EPHA7: variants seen among roughly 807,000 people sequenced by gnomAD.
EPHA7 encodes ephrin type-A receptor 7.
In EPHA7, 25 loss-of-function variants were observed where a neutral mutation model predicts 112.6. The ratio of observed to expected loss-of-function variants is 0.22; its 90% confidence interval spans 0.16 to 0.31. The LOEUF (loss-of-function observed/expected upper bound fraction) is 0.31. EPHA7 is among the 10% of genes least tolerant of loss of function. EPHA7 has a pLI of 1.00. For synonymous variants in EPHA7, 437 were observed against 406.5 expected (o/e 1.07, Z -0.90); for missense variants, 962 against 1,212.6 (o/e 0.79, Z 3.07).
chr6:93,368,732 T>C (rs1346134936), intron 3 of EPHA7, among the ~76,000 whole-genome samples: 1 of 152,172 alleles, frequency 6.6e-6, no homozygotes, highest in Non-Finnish European at 1.5e-5. Flanking sequence ...GTCCAAGACA[T>C]GGGCTTTTCA....
intron 5 of EPHA7, among the ~76,000 whole-genome samples, chr6:93,332,620 A>G (rs972389423): frequency 1.3e-5 from 2 of 151,726 alleles, no homozygotes; most frequent in African/African-American, 4.8e-5. Flanking sequence ...TATTGTGCAC[A>G]TTGGATTAAT....
chr6:93,254,655 T>C lies in EPHA7; in HGVS notation c.2524A>G (p.Asn842Asp). The change falls in exon 14 of 17, where the codon AAT (asparagine) becomes GAT (aspartate). Residue 842 changes from asparagine (N) to aspartate (D), a missense_variant. Physicochemically the swap from Asn to Asp is conservative, Grantham distance 23. This residue lies in a region of EPHA7 where 746 missense variants were observed against 889.2 expected (regional missense o/e 0.84). Transcript: ENST00000369303. ...ATGAATGTAACACCTACATCTTGAT[T>C]TGACATGTCCCAATAAGGTCTTTCT... ...YGERPYWDMS[N>D]QDVIKAIEEG... 1 of 1,611,614 alleles carries C rather than the reference T, an allele frequency of 6.2e-7. No homozygotes were observed. Among genetic ancestry groups the C allele is most frequent in the East Asian group, 2.2e-5 (1 of 44,834 alleles).
At chr6:93,313,282 G>T (rs1001373324) in intron 5 of EPHA7, among the ~76,000 whole-genome samples, 1 of 152,010 alleles carries the variant, frequency 6.6e-6, no homozygotes, top group African/African-American at 2.4e-5. Flanking sequence ...TAAAAACACT[G>T]GTGGTAATGT....
intron 3 of EPHA7, among the ~76,000 whole-genome samples, chr6:93,364,659 T>A (rs979653792): frequency 9.9e-5 from 15 of 152,156 alleles, no homozygotes; most frequent in Non-Finnish European, 2.1e-4. Context: ...CTAACATATA[T>A]ACTCTATATG....
Position 93,350,789 on chromosome 6 carries a change from C to T in EPHA7, c.1324+5928G>A, listed in dbSNP as rs1332793013. ...GACTATATGTAATATGTGAAATGTA[C>T]TGCGGAAGATACACAAAAGTTTAAG... is the stretch of plus-strand genomic sequence containing the variant. On this transcript the variant is annotated intron_variant, in intron 5 of 16. Transcript: ENST00000369303. 9.2e-5 allele frequency among the ~76,000 whole-genome samples: 14 copies of T among 151,922 alleles called. No homozygotes were observed. The South Asian group carries it at 1.9e-3, about 20-fold the overall frequency.
chr6:93,350,174 C>A (rs1372597124), intron 5 of EPHA7, among the ~76,000 whole-genome samples: 4 of 151,938 alleles, frequency 2.6e-5, no homozygotes, highest in Non-Finnish European at 5.9e-5. Context: ...AATGAGAAGG[C>A]AAATGCTATA....
Position 93,246,866 on chromosome 6 carries a change from T to A in EPHA7, c.2652A>T (p.Glu884Asp), listed in dbSNP as rs781260960. 1.2e-6 allele frequency: 2 copies of A among 1,614,010 alleles called. No homozygotes were observed. The highest frequency in any genetic ancestry group is 2.2e-5 in the South Asian group (2 of 91,082). ...TTTTGTCTAGAATTCCAACTATCTG[T>A]TCAAATTTTGGCCTTTCAGCACGCT... ...QKERAERPKF[E>D]QIVGILDKMI... Residue 884 changes from glutamate to aspartate, a missense_variant, in exon 15 of 17, where the codon GAA becomes GAT. Glu to Asp is a conservative substitution (Grantham distance 45). Coordinates refer to ENST00000369303, the MANE Select transcript of EPHA7 (RefSeq NM_004440.4).
chr6:93,298,702 A>G (rs1582473233), intron 5 of EPHA7, among the ~76,000 whole-genome samples: 1 of 152,190 alleles, frequency 6.6e-6, no homozygotes, highest in African/African-American at 2.4e-5. Context: ...ATTGGCAAAG[A>G]TTGAAAACCA....
chr6:93,410,630 C>A lies in EPHA7; in HGVS notation c.703G>T (p.Val235Phe). Residue 235 changes from valine (V) to phenylalanine (F), a missense_variant, in exon 3 of 17, where the codon GTC becomes TTC. Val to Phe is a conservative substitution (Grantham distance 50, BLOSUM62 -1). Around this residue, in one of 3 missense-constraint regions of EPHA7, gnomAD observed 160 missense variants for 263.6 expected, o/e 0.61. Transcript: ENST00000369303. This position sits in a 1 kb window ranked among gnomAD's most constrained non-coding sequence, Gnocchi z 4.0. ...TCCGCTTCTTCCTCTGCACTGCTGACACATGTCCCTCGAACCTCGACTAAA... is the reference window on the plus strand; with the variant it reads ...TCCGCTTCTTCCTCTGCACTGCTGAAACATGTCCCTCGAACCTCGACTAAA... Reference protein sequence around the residue: ...SSLVEVRGTCVSSAEEEAENA... With the variant: ...SSLVEVRGTCFSSAEEEAENA... The A allele has an allele frequency of 6.2e-7, 1 of 1,614,018 alleles. No individual in the cohort carries two copies. The highest frequency in any genetic ancestry group is 8.5e-7 in the Non-Finnish European group (1 of 1,179,954).
chr6:93,293,209 T>A (rs902977606), intron 5 of EPHA7, among the ~76,000 whole-genome samples: 2 of 151,724 alleles, frequency 1.3e-5, no homozygotes, highest in South Asian at 4.1e-4. Flanking sequence ...CATAATTTAG[T>A]TTGCAAAATA....
At chr6:93,333,485 C>T (rs1286388436) in intron 5 of EPHA7, among the ~76,000 whole-genome samples, 2 of 151,866 alleles carry the variant, frequency 1.3e-5, no homozygotes, top group African/African-American at 4.8e-5. Context: ...AATGGCTGAA[C>T]TAATTTACAT....
At chr6:93,377,793 G>T (rs2127967343) in intron 3 of EPHA7, among the ~76,000 whole-genome samples, 1 of 152,184 alleles carries the variant, frequency 6.6e-6, no homozygotes, top group African/African-American at 2.4e-5. Flanking sequence ...CAGTAACTCT[G>T]TGTCAAATCG....
chr6:93,405,376 A>G (rs1340383466), intron 3 of EPHA7, among the ~76,000 whole-genome samples: 1 of 151,834 alleles, frequency 6.6e-6, no homozygotes, highest in African/African-American at 2.4e-5. Flanking sequence ...GGTTATGTAA[A>G]ATATTTTTTA....
At chr6:93,333,157 T>C (rs1328430811) in intron 5 of EPHA7, among the ~76,000 whole-genome samples, 1 of 151,828 alleles carries the variant, frequency 6.6e-6, no homozygotes, top group Non-Finnish European at 1.5e-5. Flanking sequence ...TTTCCTGCAT[T>C]AATTTGTTTA....
At chr6:93,302,442 C>G (rs542061282) in intron 5 of EPHA7, among the ~76,000 whole-genome samples, 23 of 152,176 alleles carry the variant, frequency 1.5e-4, no homozygotes, top group African/African-American at 5.1e-4. Context: ...CTCATCATTA[C>G]TCTTTTTATA....
chr6:93,302,840 G>A (rs1275006692), intron 5 of EPHA7, among the ~76,000 whole-genome samples: 2 of 152,030 alleles, frequency 1.3e-5, no homozygotes, highest in Admixed American at 6.6e-5. Flanking sequence ...AATAGTTGCC[G>A]ATGGAAACCA....
intron 5 of EPHA7, among the ~76,000 whole-genome samples, chr6:93,351,561 T>C (rs1775695490): frequency 6.6e-6 from 1 of 152,162 alleles, no homozygotes; most frequent in South Asian, 2.1e-4. Flanking sequence ...ATCACTCACC[T>C]ATTAATAGTG....
chr6:93,384,074 A>G (rs1582639767), intron 3 of EPHA7, among the ~76,000 whole-genome samples: 1 of 152,168 alleles, frequency 6.6e-6, no homozygotes. Flanking sequence ...AAATAAGCAC[A>G]CTCAAAAATA....
In EPHA7 at chr6:93,374,214, G is replaced by A. The variant is rs188491070; in HGVS notation, c.833-15803C>T. Among the ~76,000 whole-genome samples the A allele has an allele frequency of 5.2e-4, 79 of 152,220 alleles. 1 individual carries two copies. The highest frequency in any genetic ancestry group is 9.9e-4 in the Non-Finnish European group (67 of 67,984). The stretch of plus-strand genomic sequence containing the variant: ...TATATTTGCTAAATTTCTAAAACAC[G>A]TCACCTCCTTAGTGAAGCCATATCT... On this transcript the variant is annotated intron_variant, in intron 3 of 16. Transcript: ENST00000369303.
Sources: gnomAD v4.1 joint callset for allele counts (sites outside exome capture counted in the v4.1 genomes callset) on GRCh38, gnomAD v4.1.1 for gene constraint, gnomAD v4.1.1 regional missense constraint, Gnocchi (gnomAD v3.1) non-coding constraint, MANE v1.5 for transcripts, NCBI Gene and HGNC (gene_info 2026-07-23, HGNC 2026-07-21) for gene names.